Variants in CADM1 observed in about 807,000 individuals in gnomAD.
CADM1 encodes cell adhesion molecule 1, also known as TSLC-1.
In CADM1, 15 loss-of-function variants were observed where a neutral mutation model predicts 53.1. The observed-to-expected ratio is 0.28, with a 90% CI of 0.19 to 0.44. The LOEUF (loss-of-function observed/expected upper bound fraction) is 0.44. Among genes scored for constraint, CADM1 ranks in the 20% least tolerant of loss-of-function variants. The pLI, the probability that CADM1 is intolerant of heterozygous loss-of-function variation, is 1.00. For missense variants in CADM1, 434 were observed against 611.3 expected (o/e 0.71, Z 3.06); for synonymous variants, 281 against 243.0 (o/e 1.16, Z -1.45).
chr11:115,393,000 C>T lies in CADM1; in HGVS notation c.124+111271G>A, dbSNP rs150084047. ...CCAGGAGCTCAGGGCTGTAGTATGC[C>T]ATGCTTGCACCTGTGAATAGCCACT... On this transcript the variant is annotated intron_variant, in intron 1 of 11. Transcript: ENST00000331581. 6.1e-3 allele frequency among the ~76,000 whole-genome samples: 855 copies of T among 141,124 alleles called. 6 individuals are homozygous for T. Among genetic ancestry groups the T allele is most frequent in the Middle Eastern group, 0.041 (10 of 242 alleles). 92.6% of individuals were successfully genotyped at this position (141,124 alleles called of 152,430 possible). A position where few individuals can be genotyped will look rare whatever the true frequency, so the allele number is the denominator to read the frequency against.
chr11:115,249,825 T>G (rs1591641831), intron 1 of CADM1, among the ~76,000 whole-genome samples: 1 of 152,124 alleles, frequency 6.6e-6, no homozygotes, highest in Admixed American at 6.5e-5. Flanking sequence ...CCTACTGTGG[T>G]CTCTTCTACT....
chr11:115,192,600 C>T (rs1456598415), intron 9 of CADM1, among the ~76,000 whole-genome samples: 1 of 152,156 alleles, frequency 6.6e-6, no homozygotes, highest in Admixed American at 6.5e-5. Flanking sequence ...GAAGGCTAAT[C>T]TCTCACTTCT....
chr11:115,465,774 C>G (rs918877951), intron 1 of CADM1, among the ~76,000 whole-genome samples: 3 of 140,302 alleles, frequency 2.1e-5, no homozygotes, highest in Admixed American at 1.4e-4. Flanking sequence ...GATGAAACAG[C>G]CTCTATAACT....
At chr11:115,463,567 G>C (rs1591270882) in intron 1 of CADM1, among the ~76,000 whole-genome samples, 1 of 152,152 alleles carries the variant, frequency 6.6e-6, no homozygotes, top group African/African-American at 2.4e-5. Context: ...AAACAATACA[G>C]ATTTGCCTTC....
intron 1 of CADM1, among the ~76,000 whole-genome samples, chr11:115,500,846 GGA>G (rs1275700724): frequency 6.6e-6 from 1 of 152,212 alleles, no homozygotes; most frequent in African/African-American, 2.4e-5. Context: ...TAGAGAGTGT[GGA>G]GAGAGATGAG....
chr11:115,315,668 C>CAA (rs56881752), intron 1 of CADM1, among the ~76,000 whole-genome samples: 1,989 of 139,370 alleles, frequency 0.014, 55 homozygotes, highest in African/African-American at 0.044. Context: ...TATGTTTAGC[C>CAA]AAAAAAAAAA....
At chr11:115,437,398 C>T (rs143429190) in intron 1 of CADM1, among the ~76,000 whole-genome samples, 1 of 152,166 alleles carries the variant, frequency 6.6e-6, no homozygotes, top group African/African-American at 2.4e-5. Flanking sequence ...GAAACTAACA[C>T]CATTTAAAAT....
intron 8 of CADM1, among the ~76,000 whole-genome samples, chr11:115,201,233 G>C (rs1162755091): frequency 2.6e-5 from 4 of 152,142 alleles, no homozygotes; most frequent in African/African-American, 7.2e-5. Context: ...ACACAGGCTG[G>C]CTACAAAGTT....
At chr11:115,191,913 T>C (rs1939893145) in intron 9 of CADM1, among the ~76,000 whole-genome samples, 1 of 152,222 alleles carries the variant, frequency 6.6e-6, no homozygotes, top group Admixed American at 6.5e-5. Context: ...TTTGAAGATG[T>C]CTGTAGACCT....
chr11:115,486,975 C>T (rs1422737832), intron 1 of CADM1, among the ~76,000 whole-genome samples: 2 of 152,258 alleles, frequency 1.3e-5, no homozygotes, highest in Non-Finnish European at 1.5e-5. Flanking sequence ...TGGCCACAGT[C>T]CCACCTTCCA....
chr11:115,264,656 A>G (rs1943077120), intron 1 of CADM1, among the ~76,000 whole-genome samples: 1 of 152,232 alleles, frequency 6.6e-6, no homozygotes, highest in African/African-American at 2.4e-5. Flanking sequence ...TTCAACTTGT[A>G]TAAGCTTTGT....
At chr11:115,428,289 C>G (rs1485581580) in intron 1 of CADM1, among the ~76,000 whole-genome samples, 2 of 152,024 alleles carry the variant, frequency 1.3e-5, no homozygotes, top group African/African-American at 2.4e-5. Flanking sequence ...GTCAACTTTA[C>G]CAATGTAACT....
intron 1 of CADM1, among the ~76,000 whole-genome samples, chr11:115,292,472 C>A (rs1221418668): frequency 1.3e-5 from 2 of 152,168 alleles, no homozygotes; most frequent in African/African-American, 4.8e-5. Flanking sequence ...AGGGGAAGCA[C>A]GGCACATCCT....
At chr11:115,311,856 A>G (rs1486620451) in intron 1 of CADM1, among the ~76,000 whole-genome samples, 1 of 152,212 alleles carries the variant, frequency 6.6e-6, no homozygotes, top group Non-Finnish European at 1.5e-5. Context: ...ATGGGCAACA[A>G]AAAGATTCCC....
intron 1 of CADM1, among the ~76,000 whole-genome samples, chr11:115,275,663 T>C (rs998203059): frequency 2.6e-5 from 4 of 152,208 alleles, no homozygotes; most frequent in Non-Finnish European, 5.9e-5. Flanking sequence ...AAGGTGTTTT[T>C]AAGAGATTTT....
intron 10 of CADM1, among the ~76,000 whole-genome samples, chr11:115,184,286 TG>T (rs1160107484): frequency 1.3e-5 from 2 of 152,200 alleles, no homozygotes; most frequent in Non-Finnish European, 2.9e-5. Context: ...CTCCCGTCCA[TG>T]GCAACAAAAA....
At chr11:115,206,758 C>CTTTTTTTTTTT (rs56270694) in intron 8 of CADM1, among the ~76,000 whole-genome samples, 1,379 of 38,204 alleles carry the variant, frequency 0.036, 617 homozygotes, top group Middle Eastern at 0.053. Flanking sequence ...CTGTGGACTT[C>CTTTTTTTTTTT]TTTTTTTTTT....
chr11:115,334,738 A>G (rs1191320089), intron 1 of CADM1, among the ~76,000 whole-genome samples: 1 of 152,082 alleles, frequency 6.6e-6, no homozygotes, highest in East Asian at 1.9e-4. Flanking sequence ...CACCACAAAC[A>G]TTTATCAGTG....
chr11:115,232,788 A>G (rs1264901151), intron 3 of CADM1, among the ~76,000 whole-genome samples: 1 of 152,234 alleles, frequency 6.6e-6, no homozygotes, highest in Non-Finnish European at 1.5e-5. Context: ...TGAATTTAGT[A>G]CAGTGAATCT....
Sources: allele counts gnomAD v4.1 joint callset (sites outside exome capture counted in the v4.1 genomes callset), GRCh38; gene constraint gnomAD v4.1.1; transcripts MANE v1.5; gene names NCBI Gene and HGNC (gene_info 2026-07-23, HGNC 2026-07-21).